Variants in GUCY2F observed in about 807,000 individuals in gnomAD.
GUCY2F encodes retinal guanylyl cyclase 2.
A neutral mutation model predicts 73.1 loss-of-function variants in GUCY2F; 61 were observed. The observed-to-expected ratio is 0.83, with a 90% CI of 0.68 to 1.03. The LOEUF (loss-of-function observed/expected upper bound fraction) is 1.03. Ranked by LOEUF, GUCY2F falls within the 50% of genes least tolerant of loss-of-function variation. The pLI is 0.00. For missense variants in GUCY2F, 912 were observed against 854.3 expected, an observed-to-expected ratio of 1.07 and a Z score of -0.84; for synonymous variants, 331 against 307.8, an observed-to-expected ratio of 1.08 and a Z score of -0.79.
At chrX:109,383,355 T>C (rs1223598569) in intron 16 of GUCY2F, 9 of 632,080 alleles carry the variant, frequency 1.4e-5, no homozygotes, top group Non-Finnish European at 1.7e-5. Context: ...GAGAGATAGC[T>C]CATACCAACC....
At chrX:109,425,249 G>C (rs1036066571) in intron 8 of GUCY2F, among the ~76,000 whole-genome samples, 2 of 110,893 alleles carry the variant, frequency 1.8e-5, no homozygotes, top group Non-Finnish European at 3.8e-5. Context: ...ACTTGTACAC[G>C]CATGTTTACA....
chrX:109,461,544 G>C (rs1932360592), intron 3 of GUCY2F, among the ~76,000 whole-genome samples: 1 of 112,062 alleles, frequency 8.9e-6, no homozygotes, highest in African/African-American at 3.2e-5. Flanking sequence ...TAATGCATTT[G>C]CTTAACCATT....
At chrX:109,417,528 G>GA (rs772952170) in intron 8 of GUCY2F, among the ~76,000 whole-genome samples, 2 of 111,262 alleles carry the variant, frequency 1.8e-5, no homozygotes, top group East Asian at 5.6e-4. Context: ...CGGAATATAT[G>GA]AAAAACACTT....
At position 109,404,448 on chromosome X, in the gene GUCY2F, C is replaced by T; in HGVS notation, c.2005G>A (p.Gly669Arg). ...ACACAGTTTCGAGACTTTAGCCTCCCATGAACAAACTCTCTGTGGTGTAAG... is the reference window on the plus strand; with the variant it reads ...ACACAGTTTCGAGACTTTAGCCTCCTATGAACAAACTCTCTGTGGTGTAAG... The part of the protein sequence containing the change: ...KYLHHREFVH[G>R]RLKSRNCVVD... The change falls in exon 10 of 20, where the codon GGG becomes AGG. Residue 669 changes from glycine (G) to arginine (R), a missense_variant. By Grantham distance (125) the Gly-to-Arg change is moderately radical. Transcript: ENST00000218006. 8.4e-7 allele frequency: 1 copy of T among 1,193,447 alleles called. No homozygotes were observed. Among genetic ancestry groups the T allele is most frequent in the South Asian group, 1.8e-5 (1 of 56,348 alleles).
intron 17 of GUCY2F, among the ~76,000 whole-genome samples, chrX:109,379,825 A>G (rs1252527020): frequency 1.8e-5 from 2 of 112,437 alleles, no homozygotes; most frequent in Non-Finnish European, 3.8e-5. Flanking sequence ...TGTTGCCTGT[A>G]TAGTACAAGA....
chrX:109,469,652 C>T (rs1174595986), intron 2 of GUCY2F, among the ~76,000 whole-genome samples: 1 of 110,923 alleles, frequency 9.0e-6, no homozygotes, highest in Non-Finnish European at 1.9e-5. Flanking sequence ...GGGAGGCAGA[C>T]CAGAGGAGGA....
chrX:109,376,127 T>C lies in GUCY2F; in HGVS notation c.3191A>G (p.Lys1064Arg), dbSNP rs775910234. 60 of 1,204,177 alleles carry C rather than the reference T, an allele frequency of 5.0e-5. No individual in the cohort carries two copies. Among genetic ancestry groups the C allele is most frequent in the Non-Finnish European group, 6.1e-5 (54 of 889,626 alleles). Residue 1064 changes from lysine to arginine, a missense_variant, in exon 18 of 20, where the codon AAA (lysine) becomes AGA (arginine). Coordinates refer to ENST00000218006, the MANE Select transcript of GUCY2F (RefSeq NM_001522.3). ...TEETFWLIGK[K>R]GFMKPLPVPP... ...CACAGGAAGGGGCTTCATGAAGCCTTTTTTCCCAATCAGCCAGAAGGTTTC... is the reference window on the plus strand; with the variant it reads ...CACAGGAAGGGGCTTCATGAAGCCTCTTTTCCCAATCAGCCAGAAGGTTTC...
intron 6 of GUCY2F, among the ~76,000 whole-genome samples, chrX:109,447,326 G>A (rs948109484): frequency 2.7e-5 from 3 of 110,646 alleles, no homozygotes; most frequent in Admixed American, 9.6e-5. Flanking sequence ...ACATGCACAC[G>A]TATGTTTATT....
chrX:109,409,056 A>G lies in GUCY2F; in HGVS notation c.1904T>C (p.Leu635Pro). ...FCSRGSLEDILTNQDVKLDWM... is the reference protein window; with the variant it reads ...FCSRGSLEDIPTNQDVKLDWM... ...GTCAAGTTTCACATCTTGATTTGTCAGTATGTCTTCTAGGCTCCCTCGGGA... is the reference window on the plus strand; with the variant it reads ...GTCAAGTTTCACATCTTGATTTGTCGGTATGTCTTCTAGGCTCCCTCGGGA... Residue 635 changes from leucine (L) to proline (P), a missense_variant, in exon 9 of 20, where the codon CTG (leucine) becomes CCG (proline). Leu to Pro is a moderately conservative substitution (Grantham distance 98). Transcript: ENST00000218006. The G allele has an allele frequency of 8.9e-7, 1 of 1,121,691 alleles. No individual in the cohort carries two copies. Among genetic ancestry groups the G allele is most frequent in the Non-Finnish European group, 1.2e-6 (1 of 813,180 alleles). The allele number at this position is 1,121,691 out of a possible 1,213,427, so 92.4% of individuals were successfully genotyped here.
chrX:109,427,493 T>C (rs987743530), intron 8 of GUCY2F, among the ~76,000 whole-genome samples: 5 of 112,119 alleles, frequency 4.5e-5, no homozygotes, highest in African/African-American at 1.6e-4. Flanking sequence ...TCCAGCTGTT[T>C]GTTTTTCAAG....
intron 2 of GUCY2F, among the ~76,000 whole-genome samples, chrX:109,472,739 T>C (rs980749633): frequency 2.7e-5 from 3 of 112,283 alleles, no homozygotes; most frequent in African/African-American, 9.7e-5. Context: ...GCCTGACCCT[T>C]AGGCCACTTA....
At chrX:109,422,233 G>A (rs1030284166) in intron 8 of GUCY2F, among the ~76,000 whole-genome samples, 1 of 111,462 alleles carries the variant, frequency 9.0e-6, no homozygotes, top group Non-Finnish European at 1.9e-5. Flanking sequence ...GATTATACCT[G>A]AATAGAAAAC....
chrX:109,408,657 C>T (rs1446810365), intron 9 of GUCY2F, among the ~76,000 whole-genome samples: 1 of 111,891 alleles, frequency 8.9e-6, no homozygotes, highest in African/African-American at 3.3e-5. Flanking sequence ...GTGCTATTCT[C>T]GTGATAGTGA....
At chrX:109,429,275 T>A (rs745373227) in intron 8 of GUCY2F, among the ~76,000 whole-genome samples, 1 of 110,624 alleles carries the variant, frequency 9.0e-6, no homozygotes, top group East Asian at 2.8e-4. Context: ...TAGCCAGGCA[T>A]GGTGGTGGGC....
At chrX:109,409,359 G>C (rs771284292) in intron 8 of GUCY2F, among the ~76,000 whole-genome samples, 191 bp from the exon 9 acceptor site, 3 of 111,591 alleles carry the variant, frequency 2.7e-5, no homozygotes, top group Non-Finnish European at 3.8e-5. Context: ...ACAAAAAGGA[G>C]ATTATCAGGG....
chrX:109,402,267 GA>G (rs1467536804), intron 10 of GUCY2F, among the ~76,000 whole-genome samples: 1 of 110,815 alleles, frequency 9.0e-6, no homozygotes, highest in Non-Finnish European at 1.9e-5. Flanking sequence ...CACAAAACCA[GA>G]AAAGAGAGCC....
chrX:109,402,570 A>G (rs757389923), intron 10 of GUCY2F, among the ~76,000 whole-genome samples: 3 of 110,702 alleles, frequency 2.7e-5, no homozygotes, highest in Admixed American at 9.6e-5. Flanking sequence ...ATGGGGTTTC[A>G]CCATGCTGGC....
rs144353036 is a variant in GUCY2F, at chrX:109,409,535, A to G, written c.1792-367T>C. Among the ~76,000 whole-genome samples, 183 of 111,546 alleles carry G rather than the reference A, an allele frequency of 1.6e-3. 1 individual carries two copies. The highest frequency in any genetic ancestry group is 5.6e-3 in the African/African-American group (173 of 30,676). ...ATGTGGGCAGCCTCTAGAAGCTGGTAACCACCCTCAGCTGACACCCAGCAA... is the reference window on the plus strand; with the variant it reads ...ATGTGGGCAGCCTCTAGAAGCTGGTGACCACCCTCAGCTGACACCCAGCAA... On this transcript the variant is annotated intron_variant, in intron 8 of 19. Coordinates refer to ENST00000218006, the MANE Select transcript of GUCY2F (RefSeq NM_001522.3).
chrX:109,376,742 A>AGG (rs1281495025), intron 17 of GUCY2F, among the ~76,000 whole-genome samples: 24 of 111,710 alleles, frequency 2.1e-4, no homozygotes, highest in African/African-American at 7.5e-4. Context: ...CAAGAACCAC[A>AGG]AGTCTCAGAA....
Sources: allele counts gnomAD v4.1 joint callset (sites outside exome capture counted in the v4.1 genomes callset), GRCh38; gene constraint gnomAD v4.1.1; transcripts MANE v1.5; gene names NCBI Gene and HGNC (gene_info 2026-07-23, HGNC 2026-07-21).